PDE4D: variants seen among roughly 807,000 people sequenced by gnomAD.
PDE4D encodes the protein phosphodiesterase 4D, also known as 3',5'-cyclic-AMP phosphodiesterase 4D.
PDE4D carries 24 observed loss-of-function variants against 87.4 expected under a neutral mutation model. That is an observed-to-expected ratio of 0.27 (90% CI 0.20 to 0.39). PDE4D has a LOEUF of 0.39. Ranked by LOEUF, PDE4D falls within the 10% of genes least tolerant of loss-of-function variation. PDE4D has a pLI of 1.00. For missense variants in PDE4D, 714 were observed against 1,041.0 expected, an observed-to-expected ratio of 0.69 and a Z score of 4.32; for synonymous variants, 384 against 383.2, an observed-to-expected ratio of 1.00 and a Z score of -0.02.
intron 1 of PDE4D, among the ~76,000 whole-genome samples, chr5:59,515,212 A>G (rs1490545309): frequency 1.3e-5 from 2 of 152,224 alleles, no homozygotes; most frequent in African/African-American, 4.8e-5. Context: ...ATGTGGAAGC[A>G]TGCTCTTTAA....
At chr5:60,150,074 G>GTA (rs1293150098) in intron 2 of PDE4D, among the ~76,000 whole-genome samples, 8 of 146,746 alleles carry the variant, frequency 5.5e-5, no homozygotes, top group Non-Finnish European at 4.5e-5. Context: ...TATATGACTA[G>GTA]TATATAGAAT....
At chr5:59,851,834 T>C (rs759529833) in intron 1 of PDE4D, among the ~76,000 whole-genome samples, 15 of 151,964 alleles carry the variant, frequency 9.9e-5, no homozygotes, top group Middle Eastern at 3.2e-3. Flanking sequence ...CACAAGTGAC[T>C]GAATTCTGCC....
At chr5:60,170,223 T>C (rs923092548) in intron 2 of PDE4D, among the ~76,000 whole-genome samples, 7 of 152,022 alleles carry the variant, frequency 4.6e-5, no homozygotes, top group African/African-American at 1.7e-4. Context: ...ACGTGCTTTG[T>C]CTCACTTAGT....
At chr5:59,425,055 C>T (rs549387941) in intron 1 of PDE4D, among the ~76,000 whole-genome samples, 14 of 152,244 alleles carry the variant, frequency 9.2e-5, no homozygotes, top group African/African-American at 3.4e-4. Flanking sequence ...AGTCTCCCTA[C>T]TGAAAGAATA....
intron 1 of PDE4D, among the ~76,000 whole-genome samples, chr5:59,883,932 T>TG (rs1044368160): frequency 4.6e-5 from 7 of 152,042 alleles, no homozygotes; most frequent in African/African-American, 1.7e-4. Context: ...TTGCTTTTTT[T>TG]GGGGGGGTAA....
intron 1 of PDE4D, among the ~76,000 whole-genome samples, chr5:60,504,776 T>A (rs553840904): frequency 3.3e-5 from 5 of 152,178 alleles, no homozygotes; most frequent in African/African-American, 1.2e-4. Flanking sequence ...GTTAGAAAAA[T>A]GGGGATATTC....
chr5:59,749,431 T>C (rs1392828534), intron 1 of PDE4D, among the ~76,000 whole-genome samples: 2 of 152,146 alleles, frequency 1.3e-5, no homozygotes. Context: ...GCCTGGCTGA[T>C]TTTTGTAATT....
chr5:59,887,739 TTGTG>T (rs542926434), intron 1 of PDE4D, among the ~76,000 whole-genome samples: 32 of 149,040 alleles, frequency 2.1e-4, no homozygotes, highest in Admixed American at 3.3e-4. Context: ...GTGTGTGTGT[TTGTG>T]TGTGTGTGTG....
chr5:59,476,724 T>C (rs929983253), intron 1 of PDE4D, among the ~76,000 whole-genome samples: 1 of 152,086 alleles, frequency 6.6e-6, no homozygotes, highest in Non-Finnish European at 1.5e-5. Context: ...GAAAACTGCA[T>C]TGCATGTGGT....
rs970587631 is a variant in PDE4D, at chr5:59,106,089, A to G, written c.809-67118T>C. On this transcript the variant is annotated intron_variant, in intron 5 of 14. Coordinates refer to ENST00000340635, the MANE Select transcript of PDE4D (RefSeq NM_001104631.2). Reference sequence around the variant, plus strand: ...AACTAATATATAATTGGGTTTCTCAAACTTAAGACTCTGATGAGGATACTG... The same window carrying G: ...AACTAATATATAATTGGGTTTCTCAGACTTAAGACTCTGATGAGGATACTG... Among the ~76,000 whole-genome samples the G allele has an allele frequency of 4.6e-5, 7 of 152,214 alleles. No individual in the cohort carries two copies. The East Asian group carries it at 1.3e-3, about 29-fold the overall frequency.
chr5:60,256,666 C>G (rs910983691), intron 1 of PDE4D, among the ~76,000 whole-genome samples: 1 of 151,538 alleles, frequency 6.6e-6, no homozygotes, highest in Admixed American at 6.6e-5. Context: ...ATAGACATAC[C>G]CAAGAGGATT....
intron 1 of PDE4D, among the ~76,000 whole-genome samples, chr5:60,420,808 T>G (rs1372661332): frequency 6.6e-6 from 1 of 152,056 alleles, no homozygotes; most frequent in African/African-American, 2.4e-5. Flanking sequence ...AGGGAAGCCA[T>G]GACAAACAGG....
At chr5:59,950,791 C>G (rs1431253829) in intron 3 of PDE4D, among the ~76,000 whole-genome samples, 1 of 151,924 alleles carries the variant, frequency 6.6e-6, no homozygotes, top group African/African-American at 2.4e-5. Flanking sequence ...TTTTTAATTT[C>G]TTCTTTTTTC....
At chr5:59,053,362 T>TACAC (rs57805618) in intron 5 of PDE4D, among the ~76,000 whole-genome samples, 2,801 of 142,094 alleles carry the variant, frequency 0.02, 63 homozygotes, top group African/African-American at 0.052. Context: ...TGGGTGTACA[T>TACAC]ACACACACAC....
intron 1 of PDE4D, among the ~76,000 whole-genome samples, chr5:60,275,054 G>C (rs948235549): frequency 2.0e-5 from 3 of 152,228 alleles, no homozygotes; most frequent in Middle Eastern, 3.2e-3. Context: ...TGCTAGATCA[G>C]GGATGGGGCT....
chr5:59,009,775 T>C (rs1390993441), intron 6 of PDE4D, among the ~76,000 whole-genome samples: 1 of 152,184 alleles, frequency 6.6e-6, no homozygotes, highest in African/African-American at 2.4e-5. Flanking sequence ...CTTATGTAAA[T>C]TATACCTCAA....
intron 1 of PDE4D, among the ~76,000 whole-genome samples, chr5:59,671,907 C>A (rs1326761308): frequency 6.6e-6 from 1 of 151,792 alleles, no homozygotes. Context: ...TGCTAGAATT[C>A]CTTGTCCCTA....
intron 2 of PDE4D, among the ~76,000 whole-genome samples, chr5:60,044,228 A>G (rs1157691701): frequency 2.0e-5 from 3 of 152,172 alleles, no homozygotes; most frequent in Non-Finnish European, 2.9e-5. Flanking sequence ...TAAGATTATT[A>G]TATATTGTAT....
intron 1 of PDE4D, among the ~76,000 whole-genome samples, chr5:60,447,258 T>C (rs1157857827): frequency 3.3e-5 from 5 of 152,174 alleles, no homozygotes; most frequent in African/African-American, 1.2e-4. Flanking sequence ...ATGGATAAAT[T>C]TATCAATCAA....
Sources: allele counts gnomAD v4.1 joint callset (sites outside exome capture counted in the v4.1 genomes callset), GRCh38; gene constraint gnomAD v4.1.1; transcripts MANE v1.5; gene names NCBI Gene and HGNC (gene_info 2026-07-23, HGNC 2026-07-21).